The following LHCGR variants were observed in gnomAD, a reference collection of about 807,000 sequenced individuals.
LHCGR encodes lutropin-choriogonadotropic hormone receptor.
LHCGR carries 55 observed loss-of-function variants against 60.7 expected under a neutral mutation model. That is an observed-to-expected ratio of 0.91 (90% CI 0.73 to 1.13). The LOEUF (loss-of-function observed/expected upper bound fraction) is 1.13, where lower values mean the gene tolerates loss of function less well. Ranked by LOEUF, LHCGR falls within the 50% of genes most tolerant of loss-of-function variation. The pLI, the probability that LHCGR is intolerant of heterozygous loss-of-function variation, is 0.00. For missense variants in LHCGR, 862 were observed against 836.0 expected (o/e 1.03, Z -0.38); for synonymous variants, 337 against 316.5 (o/e 1.06, Z -0.69).
chr2:48,715,606 G>C (rs1272935425), intron 6 of LHCGR, among the ~76,000 whole-genome samples: 1 of 152,066 alleles, frequency 6.6e-6, no homozygotes, highest in Non-Finnish European at 1.5e-5. Flanking sequence ...GGCCTCTCTA[G>C]TCTTTGTTAA....
chr2:48,738,304 A>C (rs1669289210), intron 1 of LHCGR, among the ~76,000 whole-genome samples: 1 of 152,164 alleles, frequency 6.6e-6, no homozygotes. Flanking sequence ...CCCATCGAAC[A>C]CCCAGTCTCT....
chr2:48,727,820 G>C (rs749101765), intron 3 of LHCGR, among the ~76,000 whole-genome samples: 2 of 152,142 alleles, frequency 1.3e-5, no homozygotes, highest in African/African-American at 2.4e-5. Context: ...ACAGCATTTG[G>C]CCCTGTATTG....
At chr2:48,705,077 C>G (rs1045356418) in intron 8 of LHCGR, among the ~76,000 whole-genome samples, 1 of 152,180 alleles carries the variant, frequency 6.6e-6, no homozygotes, top group Admixed American at 6.5e-5. Flanking sequence ...CCCAGAGATT[C>G]TGGTACATTA....
intron 6 of LHCGR, among the ~76,000 whole-genome samples, chr2:48,715,350 C>A (rs1242243163): frequency 1.3e-5 from 2 of 152,128 alleles, no homozygotes; most frequent in Non-Finnish European, 2.9e-5. Flanking sequence ...CATAGCCAAA[C>A]AAGTTTGAAA....
In LHCGR at chr2:48,687,663, G is replaced by T. The variant is rs766094353; in HGVS notation, c.*34C>A. 1.3e-6 allele frequency: 2 copies of T among 1,554,376 alleles called. No homozygotes were observed. The highest frequency in any genetic ancestry group is 1.4e-5 in the African/African-American group (1 of 73,744). On this transcript the variant is annotated 3_prime_UTR_variant, in exon 11 of 11. Transcript: ENST00000294954. ...AGGTAATTTTTTTTTACAGGTTTAA[G>T]AACAATTCAATAATGCAGTTACTGA...
intron 1 of LHCGR, among the ~76,000 whole-genome samples, chr2:48,740,402 CAAAA>C (rs1669393097): frequency 6.6e-6 from 1 of 152,202 alleles, no homozygotes; most frequent in South Asian, 2.1e-4. Flanking sequence ...CACAGACAAA[CAAAA>C]AGACAGCAGT....
chr2:48,695,698 A>C (rs931248191), intron 9 of LHCGR, among the ~76,000 whole-genome samples: 2 of 152,206 alleles, frequency 1.3e-5, no homozygotes, highest in African/African-American at 4.8e-5. Context: ...TATACAATGT[A>C]ATTCTATGCA....
intron 8 of LHCGR, among the ~76,000 whole-genome samples, chr2:48,701,799 T>C (rs1210936666): frequency 6.6e-6 from 1 of 152,230 alleles, no homozygotes; most frequent in Non-Finnish European, 1.5e-5. Context: ...TAGTATGGGT[T>C]CATAAGAGTT....
At chr2:48,698,190 C>A (rs1667220477) in intron 9 of LHCGR, among the ~76,000 whole-genome samples, 1 of 152,136 alleles carries the variant, frequency 6.6e-6, no homozygotes, top group East Asian at 1.9e-4. Flanking sequence ...GTTTTGAAAA[C>A]TTTCTGTAAT....
chr2:48,708,392 A>G (rs180805337), intron 8 of LHCGR, among the ~76,000 whole-genome samples: 2 of 152,306 alleles, frequency 1.3e-5, no homozygotes, highest in Non-Finnish European at 2.9e-5. Context: ...TGTATCCTCC[A>G]GCTAAAATTC....
chr2:48,754,902 G>A lies in LHCGR; in HGVS notation c.161+609C>T, dbSNP rs74521874. Among the ~76,000 whole-genome samples the A allele has an allele frequency of 7.2e-4, 110 of 152,182 alleles. 3 individuals are homozygous for A. The East Asian group carries it at 0.02, about 27-fold the overall frequency. ...GCCTGTGAGTGTGGAGGTGGTGCGCGGGTGCCAGCGGCAGGGCACAGGGCC... is the reference window on the plus strand; with the variant it reads ...GCCTGTGAGTGTGGAGGTGGTGCGCAGGTGCCAGCGGCAGGGCACAGGGCC... On this transcript the variant is annotated intron_variant, in intron 1 of 10. Coordinates refer to ENST00000294954, the MANE Select transcript of LHCGR (RefSeq NM_000233.4).
intron 8 of LHCGR, 145 bp downstream of exon 8, chr2:48,708,803 T>C (rs1330441313): frequency 1.3e-6 from 1 of 764,670 alleles, no homozygotes; most frequent in Non-Finnish European, 2.4e-6. Context: ...GCAGCTGTGA[T>C]ACACTTTGTC....
At chr2:48,728,419 G>A (rs1246351996) in intron 3 of LHCGR, among the ~76,000 whole-genome samples, 1 of 152,164 alleles carries the variant, frequency 6.6e-6, no homozygotes, top group African/African-American at 2.4e-5. Flanking sequence ...TAAAGTTTGA[G>A]TGCTCTTCTG....
At chr2:48,752,283 A>G (rs570691557) in intron 1 of LHCGR, among the ~76,000 whole-genome samples, 27 of 152,132 alleles carry the variant, frequency 1.8e-4, no homozygotes, top group Non-Finnish European at 3.4e-4. Context: ...TTCTTCTTAA[A>G]CCAAATAGTG....
intron 1 of LHCGR, among the ~76,000 whole-genome samples, chr2:48,751,980 C>T (rs1161863949): frequency 1.3e-5 from 2 of 152,140 alleles, no homozygotes; most frequent in Non-Finnish European, 2.9e-5. Context: ...AGACAAAGAT[C>T]TTTATATAGC....
intron 1 of LHCGR, among the ~76,000 whole-genome samples, chr2:48,731,827 G>A (rs1669006889): frequency 6.6e-6 from 1 of 152,130 alleles, no homozygotes; most frequent in Non-Finnish European, 1.5e-5. Flanking sequence ...TGGAAATCAT[G>A]CAGGCAGGAA....
chr2:48,698,847 ATTT>A lies in LHCGR; in HGVS notation c.681-50_681-48del, dbSNP rs70946824. On this transcript the variant is annotated intron_variant, in intron 8 of 10. Transcript: ENST00000294954. ...TGCTTTTTATTTATTTATTTTATAC[ATTT>A]TTTTTTTTTGAGACGGAGTCTTGCT... 1.9e-4 allele frequency: 185 copies of A among 973,526 alleles called. 1 individual carries two copies. The African/African-American group carries it at 2.1e-3, about 11-fold the overall frequency. The allele number at this position is 973,526 out of a possible 1,614,324, so 60.3% of individuals were successfully genotyped here. A position where few individuals can be genotyped will look rare whatever the true frequency, so the allele number is the denominator to read the frequency against.
At chr2:48,721,454 T>G in intron 6 of LHCGR, 1 of 269,010 alleles carries the variant, frequency 3.7e-6, no homozygotes. Context: ...AAGTAAAGAG[T>G]ATGGGTTATT....
At chr2:48,694,011 A>G (rs1666992933) in intron 10 of LHCGR, among the ~76,000 whole-genome samples, 1 of 151,942 alleles carries the variant, frequency 6.6e-6, no homozygotes. Flanking sequence ...ATTAAGGAAC[A>G]TTTTAAAATA....
Sources: gnomAD v4.1 joint callset for allele counts (sites outside exome capture counted in the v4.1 genomes callset) on GRCh38, gnomAD v4.1.1 for gene constraint, MANE v1.5 for transcripts, NCBI Gene and HGNC (gene_info 2026-07-23, HGNC 2026-07-21) for gene names.